Variants in SYT9 observed in about 807,000 individuals in gnomAD.
SYT9 encodes the protein synaptotagmin 9.
In SYT9, 22 loss-of-function variants were observed where a neutral mutation model predicts 48.4. That is an observed-to-expected ratio of 0.45 (90% confidence interval 0.32 to 0.65). The LOEUF (loss-of-function observed/expected upper bound fraction) is 0.65. SYT9 is among the 30% of genes least tolerant of loss of function. SYT9 has a pLI of 0.03. For synonymous variants in SYT9, 265 were observed against 245.0 expected, an observed-to-expected ratio of 1.08 and a Z score of -0.76; for missense variants, 577 against 622.0, an observed-to-expected ratio of 0.93 and a Z score of 0.77.
intron 3 of SYT9, among the ~76,000 whole-genome samples, chr11:7,376,410 A>G (rs1411513415): frequency 1.5e-5 from 2 of 136,886 alleles, no homozygotes; most frequent in Admixed American, 1.6e-4. Flanking sequence ...TCCTTTCTTC[A>G]GCATGTCCAG....
chr11:7,444,330 G>A (rs1388217393), intron 6 of SYT9: 1 of 152,178 alleles, frequency 6.6e-6, no homozygotes, highest in African/African-American at 2.4e-5. Context: ...CCTTTTTGAT[G>A]GGTCCTAGTG....
intron 3 of SYT9, among the ~76,000 whole-genome samples, chr11:7,314,926 A>T (rs1190242510): frequency 6.6e-6 from 1 of 152,188 alleles, no homozygotes. Context: ...TTAGTGAAAG[A>T]CTAATCTCTG....
At position 7,283,303 on chromosome 11, in the gene SYT9, A is replaced by T. The variant is rs186733093; in HGVS notation, c.146-19736A>T. Among the ~76,000 whole-genome samples the T allele has an allele frequency of 2.1e-3, 321 of 152,144 alleles. 1 individual carries two copies. Among genetic ancestry groups the T allele is most frequent in the African/African-American group, 7.3e-3 (305 of 41,534 alleles). On this transcript the variant is annotated intron_variant, in intron 1 of 6. Transcript: ENST00000318881. ...TGTAAGACTCAGTGAAGTTATTTTT[A>T]AAAATGCTGGTAAATTAGGATGGAG...
chr11:7,400,957 C>A (rs1846878058), intron 3 of SYT9, among the ~76,000 whole-genome samples: 3 of 152,038 alleles, frequency 2.0e-5, no homozygotes, highest in African/African-American at 7.2e-5. Context: ...TGCTAGTGTG[C>A]TATTTGGTTA....
intron 3 of SYT9, among the ~76,000 whole-genome samples, chr11:7,399,252 G>A (rs1035562526): frequency 2.0e-5 from 3 of 152,116 alleles, no homozygotes; most frequent in Admixed American, 1.3e-4. Flanking sequence ...GAAACAGAAG[G>A]ATAAACTGCT....
At chr11:7,406,300 A>G (rs767686788) in intron 3 of SYT9, among the ~76,000 whole-genome samples, 79 of 151,724 alleles carry the variant, frequency 5.2e-4, no homozygotes, top group Non-Finnish European at 8.7e-4. Context: ...TCTACTAACC[A>G]ACTTCCCTAT....
At chr11:7,287,187 A>C (rs1286766047) in intron 1 of SYT9, among the ~76,000 whole-genome samples, 1 of 152,210 alleles carries the variant, frequency 6.6e-6, no homozygotes, top group Non-Finnish European at 1.5e-5. Flanking sequence ...AAGGGGAAGC[A>C]ACCACGCCTT....
chr11:7,316,954 T>G (rs939425374), intron 3 of SYT9, among the ~76,000 whole-genome samples: 2 of 152,358 alleles, frequency 1.3e-5, no homozygotes, highest in Middle Eastern at 3.4e-3. Context: ...ATTCTTTTGT[T>G]TTCCTTTCCT....
chr11:7,437,492 C>T (rs142190810), intron 6 of SYT9: 3 of 151,966 alleles, frequency 2.0e-5, no homozygotes, highest in Non-Finnish European at 4.4e-5. Context: ...GGGCCACTGC[C>T]CATTATGGAT....
intron 6 of SYT9, among the ~76,000 whole-genome samples, chr11:7,431,485 C>A (rs1847568835): frequency 6.6e-6 from 1 of 152,246 alleles, no homozygotes; most frequent in Non-Finnish European, 1.5e-5. Flanking sequence ...TTCAAGCAAG[C>A]TGTGGAGGAA....
chr11:7,326,392 T>G (rs1299267292), intron 3 of SYT9, among the ~76,000 whole-genome samples: 1 of 99,126 alleles, frequency 1.0e-5, no homozygotes, highest in Non-Finnish European at 2.0e-5. Context: ...TTTTCTAGTT[T>G]ATTTGCGTAG....
At chr11:7,451,902 C>T (rs1394478541) in intron 6 of SYT9, among the ~76,000 whole-genome samples, 3 of 152,146 alleles carry the variant, frequency 2.0e-5, no homozygotes, top group Non-Finnish European at 4.4e-5. Context: ...TTGCAAGGGA[C>T]TAGCATGTAC....
intron 1 of SYT9, among the ~76,000 whole-genome samples, chr11:7,300,050 T>C (rs565852762): frequency 6.6e-6 from 1 of 152,288 alleles, no homozygotes; most frequent in East Asian, 1.9e-4. Context: ...TAATTATTAA[T>C]ATAACCCCTT....
intron 1 of SYT9, among the ~76,000 whole-genome samples, chr11:7,257,141 T>C (rs1254573047): frequency 6.6e-6 from 1 of 152,194 alleles, no homozygotes; most frequent in Non-Finnish European, 1.5e-5. Flanking sequence ...GAGAACAACC[T>C]TTGAGACCAT....
intron 3 of SYT9, among the ~76,000 whole-genome samples, chr11:7,409,466 T>C (rs1847090692): frequency 6.6e-6 from 1 of 152,178 alleles, no homozygotes. Context: ...TCTTTATATG[T>C]TTGGTAAATT....
chr11:7,290,490 A>G (rs1435301414), intron 1 of SYT9, among the ~76,000 whole-genome samples: 2 of 152,224 alleles, frequency 1.3e-5, no homozygotes, highest in Non-Finnish European at 2.9e-5. Context: ...TTAAATGTTT[A>G]GAGAAGCATG....
At chr11:7,423,555 CTATT>C (rs745530716) in intron 6 of SYT9, among the ~76,000 whole-genome samples, 5 of 152,224 alleles carry the variant, frequency 3.3e-5, no homozygotes, top group Non-Finnish European at 7.3e-5. Flanking sequence ...ATTAAACAAT[CTATT>C]TATATGAAAT....
At chr11:7,420,720 C>T (rs1847338370) in intron 6 of SYT9, 85 bp downstream of exon 6, 15 of 1,543,202 alleles carry the variant, frequency 9.7e-6, no homozygotes, top group South Asian at 2.3e-5. Flanking sequence ...CATATGAGTG[C>T]ACCAGGATCT....
intron 3 of SYT9, among the ~76,000 whole-genome samples, chr11:7,414,773 G>A (rs1192629221): frequency 6.6e-6 from 1 of 152,156 alleles, no homozygotes; most frequent in Non-Finnish European, 1.5e-5. Flanking sequence ...TCAAGAAAGG[G>A]AGGTTGGGCG....
Sources: allele counts gnomAD v4.1 joint callset (sites outside exome capture counted in the v4.1 genomes callset), GRCh38; gene constraint gnomAD v4.1.1; transcripts MANE v1.5; gene names NCBI Gene and HGNC (gene_info 2026-07-23, HGNC 2026-07-21).